Variants in CCND2 observed in about 807,000 individuals in gnomAD.
CCND2 encodes the protein G1/S-specific cyclin-D2.
Under a neutral mutation model 30.2 loss-of-function variants are expected in CCND2, and 6 were observed. The observed-to-expected ratio is 0.20, with a 90% CI of 0.11 to 0.39. The LOEUF (loss-of-function observed/expected upper bound fraction) is 0.39, where lower values mean the gene tolerates loss of function less well. CCND2 is among the 10% of genes least tolerant of loss of function. The pLI is 1.00. For synonymous variants in CCND2, 150 were observed against 153.1 expected (o/e 0.98, Z 0.15); for missense variants, 235 against 373.4 (o/e 0.63, Z 3.06).
chr12:4,300,386 CA>C lies in CCND2; in HGVS notation c.*378del, dbSNP rs1864233296. ...TTTTCATGTTATGAGCTAGCACATA[CA>C]CCCCCTTGTAGTATAATTTCAAGGA... On this transcript the variant is annotated 3_prime_UTR_variant, in exon 5 of 5. Transcript: ENST00000261254. 1 of 254,670 alleles carries C rather than the reference CA, an allele frequency of 3.9e-6. No individual in the cohort carries two copies. Among genetic ancestry groups the C allele is most frequent in the African/African-American group, 2.2e-5 (1 of 45,940 alleles). The allele number at this position is 254,670 out of a possible 1,614,324, so 15.8% of individuals were successfully genotyped here.
At chr12:4,279,394 C>CT (rs79476081) in intron 3 of CCND2, among the ~76,000 whole-genome samples, 2,474 of 140,554 alleles carry the variant, frequency 0.018, 27 homozygotes, top group African/African-American at 0.039. Flanking sequence ...CAAAGAAATT[C>CT]TTTTTTTTTT....
At chr12:4,280,104 C>T (rs1295932281) in intron 3 of CCND2, among the ~76,000 whole-genome samples, 1 of 144,268 alleles carries the variant, frequency 6.9e-6, no homozygotes, top group Non-Finnish European at 1.5e-5. Flanking sequence ...CAAAACAAGC[C>T]TATTGATACA....
chr12:4,273,814 C>A lies in CCND2; in HGVS notation c.-227C>A. 1 of 591,072 alleles carries A rather than the reference C, an allele frequency of 1.7e-6. No individual in the cohort carries two copies. 36.6% of individuals were successfully genotyped at this position (591,072 alleles called of 1,614,324 possible). A position where few individuals can be genotyped will look rare whatever the true frequency, so the allele number is the denominator to read the frequency against. On this transcript the variant is annotated 5_prime_UTR_variant, in exon 1 of 5. Transcript: ENST00000261254. The surrounding 1 kb of genome is among the most constrained non-coding windows in gnomAD (Gnocchi z 5.9). ...GCGAGACCAGTTTTAAGGGGAGGACCGGTGCGAGTGAGGCAGCCCCGAGGC... is the reference window on the plus strand; with the variant it reads ...GCGAGACCAGTTTTAAGGGGAGGACAGGTGCGAGTGAGGCAGCCCCGAGGC...
chr12:4,297,739 T>C (rs1325897966), intron 4 of CCND2: 1 of 318,970 alleles, frequency 3.1e-6, no homozygotes, highest in Non-Finnish European at 6.7e-6. Context: ...CCCATGTGAT[T>C]TATCGTCATT....
At position 4,304,020 on chromosome 12, in the gene CCND2, C is replaced by G. The variant is rs1864285531; in HGVS notation, c.*4011C>G. 1 of 233,218 alleles carries G rather than the reference C, an allele frequency of 4.3e-6. No individual in the cohort carries two copies. Among genetic ancestry groups the G allele is most frequent in the South Asian group, 1.8e-4 (1 of 5,532 alleles). The allele number at this position is 233,218 out of a possible 1,614,324, so 14.4% of individuals were successfully genotyped here. ...AGCTGCGCTTCCCTGCAGTCTAGCA[C>G]CTCTAGGGCCTCTCCAGACTGTGCC... On this transcript the variant is annotated 3_prime_UTR_variant, in exon 5 of 5. Coordinates refer to ENST00000261254, the MANE Select transcript of CCND2 (RefSeq NM_001759.4). The surrounding 1 kb of genome is among the most constrained non-coding windows in gnomAD (Gnocchi z 6.2).
chr12:4,291,748 C>A (rs945290013), intron 4 of CCND2, among the ~76,000 whole-genome samples: 1 of 152,054 alleles, frequency 6.6e-6, no homozygotes, highest in African/African-American at 2.4e-5. Context: ...TGTATGGGCA[C>A]GCAATGGAAT....
rs991329426 is a variant in CCND2, at chr12:4,304,035, C to T, written c.*4026C>T. ...CAGTCTAGCACCTCTAGGGCCTCTCCAGACTGTGCCCTGGGAGCTCTGGGA... is the reference window on the plus strand; with the variant it reads ...CAGTCTAGCACCTCTAGGGCCTCTCTAGACTGTGCCCTGGGAGCTCTGGGA... On this transcript the variant is annotated 3_prime_UTR_variant, in exon 5 of 5. Coordinates refer to ENST00000261254, the MANE Select transcript of CCND2 (RefSeq NM_001759.4). This position sits in a 1 kb window ranked among gnomAD's most constrained non-coding sequence, Gnocchi z 6.2. 2.6e-5 allele frequency: 6 copies of T among 233,216 alleles called. No individual in the cohort carries two copies. The highest frequency in any genetic ancestry group is 5.1e-5 in the Non-Finnish European group (6 of 118,080). The allele number at this position is 233,216 out of a possible 1,614,324, so 14.4% of individuals were successfully genotyped here.
chr12:4,275,557 G>A (rs1002879839), intron 1 of CCND2: 1 of 142,322 alleles, frequency 7.0e-6, no homozygotes, highest in Non-Finnish European at 1.5e-5. Context: ...TCCAATTGTC[G>A]GGAATGATAG....
rs188208007 is a variant in CCND2, at chr12:4,274,337, C to T, written c.195+102C>T. Reference sequence around the variant, plus strand: ...GGGAGAGGGCAATCCCCGCGCCGGCCTCCCGGCTCCTGTGCGGGAGTTTAC... The same window carrying T: ...GGGAGAGGGCAATCCCCGCGCCGGCTTCCCGGCTCCTGTGCGGGAGTTTAC... On this transcript the variant is annotated intron_variant, in intron 1 of 4. Transcript: ENST00000261254. The surrounding 1 kb of genome is among the most constrained non-coding windows in gnomAD (Gnocchi z 7.7). 1 of 1,263,188 alleles carries T rather than the reference C, an allele frequency of 7.9e-7. No homozygotes were observed. Among genetic ancestry groups the T allele is most frequent in the East Asian group, 2.3e-5 (1 of 42,670 alleles). The allele number at this position is 1,263,188 out of a possible 1,614,324, so 78.2% of individuals were successfully genotyped here.
At position 4,285,526 on chromosome 12, in the gene CCND2, G is replaced by A; in HGVS notation, c.572-3316G>A. ...TAACAGAACAGCTTTTATTTTCCGT[G>A]CATCCTTCCAGTTCATCCATAGGCA... On this transcript the variant is annotated intron_variant, in intron 3 of 4. Coordinates refer to ENST00000261254, the MANE Select transcript of CCND2 (RefSeq NM_001759.4). The surrounding 1 kb of genome is among the most constrained non-coding windows in gnomAD (Gnocchi z 4.1). The A allele has an allele frequency of 1.7e-6, 1 of 598,406 alleles. No homozygotes were observed. Among genetic ancestry groups the A allele is most frequent in the Non-Finnish European group, 2.1e-6 (1 of 476,648 alleles). 37.1% of individuals were successfully genotyped at this position (598,406 alleles called of 1,614,324 possible).
intron 4 of CCND2, among the ~76,000 whole-genome samples, chr12:4,298,959 C>A (rs1454982781): frequency 6.6e-6 from 1 of 152,178 alleles, no homozygotes; most frequent in Non-Finnish European, 1.5e-5. Context: ...CTTGCTTATT[C>A]CCAAATTGGA....
intron 1 of CCND2, chr12:4,275,084 T>G (rs1591643336): frequency 6.8e-6 from 1 of 147,906 alleles, no homozygotes; most frequent in African/African-American, 2.5e-5. Context: ...GGGGAGGGGG[T>G]GTGTGTAGGG....
At chr12:4,275,722 C>T (rs942332278) in intron 1 of CCND2, among the ~76,000 whole-genome samples, 1 of 152,044 alleles carries the variant, frequency 6.6e-6, no homozygotes, top group South Asian at 2.1e-4. Context: ...GCGGAGCTGC[C>T]GCGGCTGCTG....
At chr12:4,289,990 G>C (rs944718152) in intron 4 of CCND2, among the ~76,000 whole-genome samples, 1 of 152,100 alleles carries the variant, frequency 6.6e-6, no homozygotes, top group African/African-American at 2.4e-5. Flanking sequence ...GAGCCCTCAT[G>C]CATCACCATG....
intron 4 of CCND2, among the ~76,000 whole-genome samples, chr12:4,298,815 G>A (rs185574476): frequency 9.1e-4 from 138 of 152,304 alleles, no homozygotes; most frequent in Middle Eastern, 3.4e-3. Flanking sequence ...CACCAGCAAC[G>A]GTCCCTGTCT....
In CCND2 at chr12:4,274,793, G is replaced by C. The variant is rs1863842174; in HGVS notation, c.195+558G>C. On this transcript the variant is annotated intron_variant, in intron 1 of 4. Coordinates refer to ENST00000261254, the MANE Select transcript of CCND2 (RefSeq NM_001759.4). This position sits in a 1 kb window ranked among gnomAD's most constrained non-coding sequence, Gnocchi z 7.7. ...CATTGAAGAAACGCGTGTTTCAGGG[G>C]AACCCAAAAGAACCGCTTCTTGCCC... 6.6e-6 allele frequency among the ~76,000 whole-genome samples: 1 copy of C among 152,190 alleles called. No individual in the cohort carries two copies. The highest frequency in any genetic ancestry group is 6.5e-5 in the Admixed American group (1 of 15,284).
rs1421338454 is a variant in CCND2 at position 4,300,760 on chromosome 12, T to C, written c.*751T>C. 4.3e-6 allele frequency: 1 copy of C among 233,640 alleles called. No individual in the cohort carries two copies. The highest frequency in any genetic ancestry group is 2.2e-5 in the African/African-American group (1 of 45,346). The allele number at this position is 233,640 out of a possible 1,614,324, so 14.5% of individuals were successfully genotyped here. Reference sequence around the variant, plus strand: ...TTGCAGACACCACCATATTGCTATCTAATGGGGAAATGTAGCTATGGGCCA... The same window carrying C: ...TTGCAGACACCACCATATTGCTATCCAATGGGGAAATGTAGCTATGGGCCA... On this transcript the variant is annotated 3_prime_UTR_variant, in exon 5 of 5. Coordinates refer to ENST00000261254, the MANE Select transcript of CCND2 (RefSeq NM_001759.4).
Position 4,285,253 on chromosome 12 carries a change from A to G in CCND2, c.572-3589A>G. 1.0e-6 allele frequency: 1 copy of G among 983,700 alleles called. No individual in the cohort carries two copies. Among genetic ancestry groups the G allele is most frequent in the East Asian group, 1.1e-4 (1 of 8,796 alleles). 60.9% of individuals were successfully genotyped at this position (983,700 alleles called of 1,614,324 possible). ...ATCAGAATGGATCGCTGATCGGTTC[A>G]TTGCCTCTCTCTCTGCTGCAGGAGG... is the stretch of plus-strand genomic sequence containing the variant. On this transcript the variant is annotated intron_variant, in intron 3 of 4. Coordinates refer to ENST00000261254, the MANE Select transcript of CCND2 (RefSeq NM_001759.4). This position sits in a 1 kb window ranked among gnomAD's most constrained non-coding sequence, Gnocchi z 4.1.
At chr12:4,278,339 A>G (rs980316149) in intron 2 of CCND2, among the ~76,000 whole-genome samples, 5 of 152,156 alleles carry the variant, frequency 3.3e-5, no homozygotes, top group African/African-American at 1.2e-4. Flanking sequence ...TAAAAAGACT[A>G]TTAATTCGGT....
Sources: allele counts gnomAD v4.1 joint callset (sites outside exome capture counted in the v4.1 genomes callset), GRCh38; gene constraint gnomAD v4.1.1; non-coding constraint Gnocchi (gnomAD v3.1); transcripts MANE v1.5; gene names NCBI Gene and HGNC (gene_info 2026-07-23, HGNC 2026-07-21).